The following SNRPD1 variants were observed in gnomAD, a reference collection of about 807,000 sequenced individuals.
SNRPD1 encodes the protein small nuclear ribonucleoprotein D1 polypeptide, also known as small nuclear ribonucleoprotein Sm D1.
Under a neutral mutation model 14.4 loss-of-function variants are expected in SNRPD1, and 1 was observed. The observed-to-expected ratio is 0.07, with a 90% CI of 0.02 to 0.33. The LOEUF is 0.33. Among genes scored for constraint, SNRPD1 ranks in the 10% least tolerant of loss-of-function variants. The pLI is 1.00. For synonymous variants in SNRPD1, 42 were observed against 50.3 expected (o/e 0.83, Z 0.70); for missense variants, 52 against 146.4 (o/e 0.36, Z 3.33).
At chr18:21,619,949 A>C (rs1484949370) in intron 1 of SNRPD1, among the ~76,000 whole-genome samples, 1 of 151,454 alleles carries the variant, frequency 6.6e-6, no homozygotes. Flanking sequence ...AGGCCCAGCT[A>C]ATTTTTTTAT....
At chr18:21,621,235 T>C (rs2038995647) in intron 1 of SNRPD1, among the ~76,000 whole-genome samples, 1 of 151,996 alleles carries the variant, frequency 6.6e-6, no homozygotes, top group African/African-American at 2.4e-5. Flanking sequence ...CCCCATCAAA[T>C]TGACAAAAAT....
At chr18:21,628,880 T>G in intron 3 of SNRPD1, among the ~76,000 whole-genome samples, 182 bp from the exon 4 acceptor site, 1 of 150,562 alleles carries the variant, frequency 6.6e-6, no homozygotes, top group African/African-American at 2.4e-5. Flanking sequence ...GATAATGTGT[T>G]GGGGGGTGGA....
chr18:21,626,365 G>A (rs2039038455), intron 3 of SNRPD1, among the ~76,000 whole-genome samples: 2 of 133,898 alleles, frequency 1.5e-5, no homozygotes, highest in African/African-American at 5.8e-5. Flanking sequence ...CTGCACTCCA[G>A]CCTGGGTGAC....
intron 1 of SNRPD1, among the ~76,000 whole-genome samples, chr18:21,618,340 T>TA (rs1491338772): frequency 1.5e-4 from 23 of 150,880 alleles, no homozygotes; most frequent in South Asian, 2.1e-4. Context: ...AACCTCTGTT[T>TA]AAAAAAAAAC....
chr18:21,616,047 A>G (rs1313998629), intron 1 of SNRPD1, among the ~76,000 whole-genome samples: 3 of 152,094 alleles, frequency 2.0e-5, no homozygotes, highest in Admixed American at 1.3e-4. Flanking sequence ...GTGCAGTGGC[A>G]TGATCTTGGT....
rs1449690698 is a variant in SNRPD1, at chr18:21,630,413, G to A, written c.*1275G>A. On this transcript the variant is annotated 3_prime_UTR_variant, in exon 4 of 4. Transcript: ENST00000300413. ...TGGCTTAAATCTGTATTTTCATCAT[G>A]TATGTGAGTTTTTTTTTTTTTAAGT... The A allele has an allele frequency of 6.6e-6, 1 of 151,584 alleles. No homozygotes were observed. Among genetic ancestry groups the A allele is most frequent in the East Asian group, 1.9e-4 (1 of 5,188 alleles). 9.4% of individuals were successfully genotyped at this position (151,584 alleles called of 1,614,324 possible).
Position 21,629,162 on chromosome 18 carries a change from T to A in SNRPD1, c.*24T>A, listed in dbSNP as rs756761537. ...AATGTCTCTCAAGATTTCAAAGTCATATGAGATTTGGGATATTTTTTGTAC... is the reference window on the plus strand; with the variant it reads ...AATGTCTCTCAAGATTTCAAAGTCAAATGAGATTTGGGATATTTTTTGTAC... On this transcript the variant is annotated 3_prime_UTR_variant, in exon 4 of 4. Coordinates refer to ENST00000300413, the MANE Select transcript of SNRPD1 (RefSeq NM_006938.4). 1 of 1,553,292 alleles carries A rather than the reference T, an allele frequency of 6.4e-7. No individual in the cohort carries two copies. The highest frequency in any genetic ancestry group is 8.9e-7 in the Non-Finnish European group (1 of 1,125,304).
chr18:21,622,009 C>T (rs2039001624), intron 1 of SNRPD1, among the ~76,000 whole-genome samples: 1 of 152,214 alleles, frequency 6.6e-6, no homozygotes, highest in East Asian at 1.9e-4. Context: ...TGTATATATC[C>T]TTCTGAATGC....
At chr18:21,615,667 A>G (rs889404033) in intron 1 of SNRPD1, among the ~76,000 whole-genome samples, 1 of 152,212 alleles carries the variant, frequency 6.6e-6, no homozygotes, top group Non-Finnish European at 1.5e-5. Flanking sequence ...AAAAATTACA[A>G]GAAAATAAAA....
In SNRPD1 at chr18:21,633,156, T is replaced by G. The variant is rs1473079366; in HGVS notation, c.*4018T>G. On this transcript the variant is annotated 3_prime_UTR_variant, in exon 4 of 4. Transcript: ENST00000300413. ...TGAGCCACCGCGTCCGGCCGAACAT[T>G]AGTTTTTAAAGAAATGTATTATGAA... is the stretch of plus-strand genomic sequence containing the variant. The G allele has an allele frequency of 6.6e-6, 1 of 152,148 alleles. No homozygotes were observed. The highest frequency in any genetic ancestry group is 6.6e-5 in the Admixed American group (1 of 15,262). 9.4% of individuals were successfully genotyped at this position (152,148 alleles called of 1,614,324 possible).
At chr18:21,625,333 T>TTTTTTTTTTTTA (rs2039029651) in intron 3 of SNRPD1, among the ~76,000 whole-genome samples, 1 of 148,396 alleles carries the variant, frequency 6.7e-6, no homozygotes, top group African/African-American at 2.5e-5. Flanking sequence ...TTTTTTTTTT[T>TTTTTTTTTTTTA]GAGATGGAGT....
chr18:21,624,724 G>T (rs2039023756), intron 3 of SNRPD1, among the ~76,000 whole-genome samples: 1 of 150,422 alleles, frequency 6.6e-6, no homozygotes, highest in African/African-American at 2.4e-5. Context: ...ATATATGATT[G>T]TAATCCATAG....
At chr18:21,625,443 A>G (rs1314877886) in intron 3 of SNRPD1, among the ~76,000 whole-genome samples, 1 of 148,370 alleles carries the variant, frequency 6.7e-6, no homozygotes, top group Non-Finnish European at 1.5e-5. Flanking sequence ...CAGCCTCCCA[A>G]GTAGCTGGGA....
intron 3 of SNRPD1, among the ~76,000 whole-genome samples, chr18:21,627,131 T>G (rs2039046023): frequency 6.6e-6 from 1 of 151,724 alleles, no homozygotes; most frequent in African/African-American, 2.4e-5. Context: ...TAGCTGGGCG[T>G]GGTGGTGGGC....
Position 21,612,366 on chromosome 18 carries a change from C to A in SNRPD1, c.-64C>A. 2 of 1,353,548 alleles carry A rather than the reference C, an allele frequency of 1.5e-6. No homozygotes were observed. The highest frequency in any genetic ancestry group is 2.0e-6 in the Non-Finnish European group (2 of 996,652). 83.8% of individuals were successfully genotyped at this position (1,353,548 alleles called of 1,614,324 possible). On this transcript the variant is annotated 5_prime_UTR_variant, in exon 1 of 4. Coordinates refer to ENST00000300413, the MANE Select transcript of SNRPD1 (RefSeq NM_006938.4). ...CGCTTCCGGCCATTCATACTGCAGTCGGTCAGTGTTCGGTTGAAGGATTCT... is the reference window on the plus strand; with the variant it reads ...CGCTTCCGGCCATTCATACTGCAGTAGGTCAGTGTTCGGTTGAAGGATTCT...
chr18:21,631,609 T>G lies in SNRPD1; in HGVS notation c.*2471T>G, dbSNP rs774043781. The stretch of plus-strand genomic sequence containing the variant: ...CTGCCACCACACCCAGCTAATTTTT[T>G]GTCTTTTTAGTAGAGACGGGGTTTC... On this transcript the variant is annotated 3_prime_UTR_variant, in exon 4 of 4. Transcript: ENST00000300413. 4 of 151,924 alleles carry G rather than the reference T, an allele frequency of 2.6e-5. No individual in the cohort carries two copies. Among genetic ancestry groups the G allele is most frequent in the Admixed American group, 2.0e-4 (3 of 15,182 alleles). 9.4% of individuals were successfully genotyped at this position (151,924 alleles called of 1,614,324 possible). A position where few individuals can be genotyped will look rare whatever the true frequency, so the allele number is the denominator to read the frequency against.
intron 1 of SNRPD1, among the ~76,000 whole-genome samples, chr18:21,622,231 C>T (rs1479581327): frequency 1.3e-5 from 2 of 151,982 alleles, no homozygotes; most frequent in South Asian, 2.1e-4. Flanking sequence ...GCTCTGCTTC[C>T]CAGGTTCACC....
In SNRPD1 at chr18:21,632,530, A is replaced by C. The variant is rs1412562991; in HGVS notation, c.*3392A>C. 3 of 152,094 alleles carry C rather than the reference A, an allele frequency of 2.0e-5. No individual in the cohort carries two copies. Among genetic ancestry groups the C allele is most frequent in the South Asian group, 2.1e-4 (1 of 4,820 alleles). 9.4% of individuals were successfully genotyped at this position (152,094 alleles called of 1,614,324 possible). A position where few individuals can be genotyped will look rare whatever the true frequency, so the allele number is the denominator to read the frequency against. ...TGCAGTGTGAAGCCAGTCTAGTAAC[A>C]GTTTAAATGTAATAATAAATCACAG... On this transcript the variant is annotated 3_prime_UTR_variant, in exon 4 of 4. Coordinates refer to ENST00000300413, the MANE Select transcript of SNRPD1 (RefSeq NM_006938.4).
rs2039091576 is a variant in SNRPD1 at position 21,632,471 on chromosome 18, AATTTGT to A, written c.*3334_*3339del. 6.6e-6 allele frequency: 1 copy of A among 151,940 alleles called. No individual in the cohort carries two copies. Among genetic ancestry groups the A allele is most frequent in the Admixed American group, 6.6e-5 (1 of 15,230 alleles). 9.4% of individuals were successfully genotyped at this position (151,940 alleles called of 1,614,324 possible). ...GAGACTGTTTCAAAAAAAAAAAAAA[AATTTGT>A]TTTGAGAGTTTTTGTGTCTAGGATG... On this transcript the variant is annotated 3_prime_UTR_variant, in exon 4 of 4. Transcript: ENST00000300413.
Sources: allele counts gnomAD v4.1 joint callset (sites outside exome capture counted in the v4.1 genomes callset), GRCh38; gene constraint gnomAD v4.1.1; transcripts MANE v1.5; gene names NCBI Gene and HGNC (gene_info 2026-07-23, HGNC 2026-07-21).